Variants in BRINP3 observed in about 807,000 individuals in gnomAD.
BRINP3 encodes the protein BMP/retinoic acid inducible neural specific 3.
A neutral mutation model predicts 71.0 loss-of-function variants in BRINP3; 19 were observed. The observed-to-expected ratio is 0.27, with a 90% CI of 0.19 to 0.39. The LOEUF is 0.39. Ranked by LOEUF, BRINP3 falls within the 10% of genes least tolerant of loss-of-function variation. The probability of loss-of-function intolerance (pLI) is 1.00; values close to 1 mark genes in which losing one functional copy is unlikely to be tolerated. For missense variants in BRINP3, 959 were observed against 940.8 expected (o/e 1.02, Z -0.25); for synonymous variants, 380 against 337.7 (o/e 1.13, Z -1.37).
At chr1:190,151,335 C>T (rs1052154407) in intron 7 of BRINP3, among the ~76,000 whole-genome samples, 16 of 152,152 alleles carry the variant, frequency 1.1e-4, no homozygotes, top group South Asian at 2.1e-4. Flanking sequence ...AAAGATTTCA[C>T]GGTCAAAAAC....
chr1:190,439,659 C>A (rs575108103), intron 2 of BRINP3, among the ~76,000 whole-genome samples: 1 of 151,932 alleles, frequency 6.6e-6, no homozygotes, highest in African/African-American at 2.4e-5. Context: ...AAAGCCTAAA[C>A]AGTAAAGCTG....
intron 6 of BRINP3, among the ~76,000 whole-genome samples, chr1:190,177,802 C>A (rs1249135111): frequency 6.6e-6 from 1 of 152,174 alleles, no homozygotes; most frequent in Non-Finnish European, 1.5e-5. Context: ...TTCACACGCA[C>A]TGCAGTTGGC....
At chr1:190,469,038 T>A (rs2102699047) in intron 1 of BRINP3, among the ~76,000 whole-genome samples, 1 of 151,228 alleles carries the variant, frequency 6.6e-6, no homozygotes, top group East Asian at 1.9e-4. Context: ...CTTATACATC[T>A]GATAAGCACA....
chr1:190,464,399 A>T (rs1676601693), intron 1 of BRINP3, among the ~76,000 whole-genome samples: 1 of 152,008 alleles, frequency 6.6e-6, no homozygotes, highest in Non-Finnish European at 1.5e-5. Flanking sequence ...ATTTTCATTC[A>T]TGAATCTTGT....
At chr1:190,141,882 T>C (rs554763389) in intron 7 of BRINP3, among the ~76,000 whole-genome samples, 1 of 152,130 alleles carries the variant, frequency 6.6e-6, no homozygotes, top group African/African-American at 2.4e-5. Flanking sequence ...TTTTCCTATA[T>C]GTAAAATAAA....
chr1:190,346,967 T>C (rs993011946), intron 2 of BRINP3, among the ~76,000 whole-genome samples: 2 of 152,024 alleles, frequency 1.3e-5, no homozygotes, highest in Non-Finnish European at 2.9e-5. Context: ...ATAAATATGA[T>C]TCATTAAATC....
chr1:190,398,502 C>T (rs945017470), intron 2 of BRINP3, among the ~76,000 whole-genome samples: 7 of 151,916 alleles, frequency 4.6e-5, no homozygotes, highest in Non-Finnish European at 7.4e-5. Context: ...AATGAGTATA[C>T]GCATTCTATA....
intron 7 of BRINP3, among the ~76,000 whole-genome samples, chr1:190,156,751 C>T (rs568708607): frequency 9.6e-4 from 146 of 152,022 alleles, no homozygotes; most frequent in African/African-American, 2.6e-3. Flanking sequence ...AATTCTGTGG[C>T]AATATTTGAC....
intron 2 of BRINP3, among the ~76,000 whole-genome samples, chr1:190,391,888 G>A (rs531494310): frequency 6.6e-6 from 1 of 151,842 alleles, no homozygotes; most frequent in South Asian, 2.1e-4. Context: ...CCCGAAGGGA[G>A]ACAGATACTA....
chr1:190,165,104 G>A (rs1404269824), intron 6 of BRINP3, among the ~76,000 whole-genome samples: 1 of 151,738 alleles, frequency 6.6e-6, no homozygotes, highest in Non-Finnish European at 1.5e-5. Context: ...ATACATAAAG[G>A]ATGATCACAG....
chr1:190,332,065 C>A (rs1279165342), intron 2 of BRINP3, among the ~76,000 whole-genome samples: 2 of 151,978 alleles, frequency 1.3e-5, no homozygotes, highest in South Asian at 2.1e-4. Flanking sequence ...TACAATAAGA[C>A]AAACTTACAT....
intron 3 of BRINP3, among the ~76,000 whole-genome samples, chr1:190,277,245 T>C (rs1459848907): frequency 2.0e-5 from 3 of 150,308 alleles, no homozygotes; most frequent in African/African-American, 7.3e-5. Flanking sequence ...CAGAAAGGCA[T>C]AGTGTAGGAA....
Position 190,372,954 on chromosome 1 carries a change from C to G in BRINP3, c.236+81701G>C, listed in dbSNP as rs940497303. On this transcript the variant is annotated intron_variant, in intron 2 of 7. Transcript: ENST00000367462. ...CAGGACCTCATTTAAAGAATATTGA[C>G]TAACAGGGGTATATTCTAAGATAGC... 7.2e-5 allele frequency among the ~76,000 whole-genome samples: 11 copies of G among 151,962 alleles called. No homozygotes were observed. The South Asian group carries it at 1.2e-3, about 17-fold the overall frequency.
intron 6 of BRINP3, among the ~76,000 whole-genome samples, chr1:190,197,989 T>G (rs1654643046): frequency 6.6e-6 from 1 of 152,102 alleles, no homozygotes; most frequent in Admixed American, 6.6e-5. Context: ...TTTCCATACA[T>G]CCTCTGAAAT....
intron 2 of BRINP3, among the ~76,000 whole-genome samples, chr1:190,447,867 T>C (rs1031976923): frequency 2.0e-5 from 3 of 151,698 alleles, no homozygotes; most frequent in Non-Finnish European, 3.0e-5. Context: ...TAATAACAGC[T>C]AATATTTTGC....
At chr1:190,105,504 C>T (rs1652074124) in intron 7 of BRINP3, among the ~76,000 whole-genome samples, 1 of 152,058 alleles carries the variant, frequency 6.6e-6, no homozygotes, top group African/African-American at 2.4e-5. Context: ...TCACAACTCT[C>T]ACTACTCCCT....
chr1:190,188,780 G>A (rs114281555), intron 6 of BRINP3, among the ~76,000 whole-genome samples: 1 of 150,534 alleles, frequency 6.6e-6, no homozygotes, highest in East Asian at 2.0e-4. Flanking sequence ...TTTTTCACAT[G>A]GTGGAGTCTT....
intron 1 of BRINP3, among the ~76,000 whole-genome samples, chr1:190,456,760 C>A (rs1241816555): frequency 6.6e-6 from 1 of 151,792 alleles, no homozygotes; most frequent in African/African-American, 2.4e-5. Context: ...AAAATTTAAT[C>A]ATTATTTTTA....
intron 2 of BRINP3, among the ~76,000 whole-genome samples, chr1:190,404,771 T>C (rs1288879039): frequency 6.6e-6 from 1 of 152,184 alleles, no homozygotes; most frequent in Non-Finnish European, 1.5e-5. Context: ...CACATAGTTT[T>C]ATAGTGTCAT....
Sources: gnomAD v4.1 joint callset for allele counts (sites outside exome capture counted in the v4.1 genomes callset) on GRCh38, gnomAD v4.1.1 for gene constraint, MANE v1.5 for transcripts, NCBI Gene and HGNC (gene_info 2026-07-23, HGNC 2026-07-21) for gene names.